The following UNC13B variants were observed in gnomAD, a reference collection of about 807,000 sequenced individuals.
The protein encoded by UNC13B is protein unc-13 homolog B.
Under a neutral mutation model 211.0 loss-of-function variants are expected in UNC13B, and 144 were observed. The ratio of observed to expected loss-of-function variants is 0.68; its 90% CI spans 0.60 to 0.78. UNC13B has a LOEUF of 0.78. Ranked by LOEUF, UNC13B falls within the 30% of genes least tolerant of loss-of-function variation. The pLI, the probability that UNC13B is intolerant of heterozygous loss-of-function variation, is 0.00. For missense variants in UNC13B, 1,777 were observed against 2,002.0 expected, an observed-to-expected ratio of 0.89 and a Z score of 2.14; for synonymous variants, 709 against 725.8, an observed-to-expected ratio of 0.98 and a Z score of 0.37.
chr9:35,385,508 A>T, intron 22 of UNC13B: 1 of 985,398 alleles, frequency 1.0e-6, no homozygotes, highest in Non-Finnish European at 1.2e-6. Context: ...GTCACTTTCT[A>T]GGGTGGGGAG....
rs1445854429 is a variant in UNC13B at position 35,310,530 on chromosome 9, T to G, written c.9072T>G (p.Ser3024Arg). ...TGAGTCAAGGAAGCTCTCAGCTAAG[T>G]GAACTAGACCAGTATCACGAACAAG... ...CNVSQGSSQL[S>R]ELDQYHEQDD... is the part of the protein sequence containing the mutation. The change falls in exon 10 of 40, where the codon AGT becomes AGG. Residue 3024 changes from serine to arginine, a missense_variant. Transcript: ENST00000635942. The G allele has an allele frequency of 6.2e-7, 1 of 1,614,104 alleles. No individual in the cohort carries two copies. Among genetic ancestry groups the G allele is most frequent in the Non-Finnish European group, 8.5e-7 (1 of 1,180,020 alleles).
Position 35,399,773 on chromosome 9 carries a change from A to G in UNC13B, c.12336+44A>G, listed in dbSNP as rs571716622. 6.3e-6 allele frequency: 10 copies of G among 1,599,432 alleles called. No homozygotes were observed. The South Asian group carries it at 1.1e-4, about 18-fold the overall frequency. ...TCAGACAGTCTTAACCACCACACTC[A>G]CTTGGCCCTGGCATTCCACTCTCCC... On this transcript the variant is annotated intron_variant, in intron 36 of 39. Transcript: ENST00000635942.
chr9:35,170,793 G>C (rs1187731420), intron 1 of UNC13B, among the ~76,000 whole-genome samples: 1 of 151,732 alleles, frequency 6.6e-6, no homozygotes, highest in East Asian at 1.9e-4. Context: ...TTGAGTTTGG[G>C]GGTATTTTAT....
intron 7 of UNC13B, among the ~76,000 whole-genome samples, chr9:35,287,361 A>T (rs1239600823): frequency 6.6e-6 from 1 of 151,934 alleles, no homozygotes; most frequent in African/African-American, 2.4e-5. Flanking sequence ...CGAACTCCTG[A>T]CCTCAGGTGA....
chr9:35,310,500 T>C lies in UNC13B; in HGVS notation c.9042T>C (p.Cys3014=). ...PTSSSRYGSS[C]NVSQGSSQLS... ...GCAGCAGTAGGTATGGCTCCTCCTG[T>C]AATGTGAGTCAAGGAAGCTCTCAGC... is the stretch of plus-strand genomic sequence containing the variant. The change falls in exon 10 of 40, where the codon TGT becomes TGC. Residue 3014 remains cysteine, a synonymous_variant. Coordinates refer to ENST00000635942, the MANE Select transcript of UNC13B (RefSeq NM_001371189.2). The C allele has an allele frequency of 6.2e-7, 1 of 1,614,058 alleles. No homozygotes were observed. Among genetic ancestry groups the C allele is most frequent in the South Asian group, 1.1e-5 (1 of 91,076 alleles).
intron 11 of UNC13B, among the ~76,000 whole-genome samples, chr9:35,356,257 C>T (rs1448829788): frequency 6.6e-6 from 1 of 152,170 alleles, no homozygotes; most frequent in African/African-American, 2.4e-5. Context: ...TTCAGTATCA[C>T]AGAGACTACC....
At chr9:35,316,212 T>A (rs903105998) in intron 11 of UNC13B, among the ~76,000 whole-genome samples, 1 of 152,214 alleles carries the variant, frequency 6.6e-6, no homozygotes, top group Non-Finnish European at 1.5e-5. Flanking sequence ...CTATTATTCT[T>A]TCTATATTAA....
chr9:35,390,069 C>T (rs1835435899), intron 25 of UNC13B, 96 bp downstream of exon 25: 9 of 1,559,212 alleles, frequency 5.8e-6, no homozygotes, highest in Middle Eastern at 3.4e-4. Flanking sequence ...TTTGCAGTGC[C>T]ACCTCTTCTT....
intron 6 of UNC13B, among the ~76,000 whole-genome samples, chr9:35,254,939 TTAA>T (rs1282538137): frequency 8.2e-6 from 1 of 122,586 alleles, no homozygotes; most frequent in Non-Finnish European, 1.6e-5. Flanking sequence ...ATAATATATA[TTAA>T]TATATGTATA....
At chr9:35,378,535 G>A (rs1411662271) in intron 17 of UNC13B, 99 bp downstream of exon 17, 1 of 1,504,674 alleles carries the variant, frequency 6.6e-7, no homozygotes, top group Non-Finnish European at 9.1e-7. Flanking sequence ...ATTGGGCAAA[G>A]GCAGGGGAGA....
chr9:35,308,971 G>A (rs1830054139), intron 9 of UNC13B, among the ~76,000 whole-genome samples: 1 of 152,116 alleles, frequency 6.6e-6, no homozygotes, highest in Non-Finnish European at 1.5e-5. Flanking sequence ...ATACAGATTT[G>A]CATAGTTTCT....
chr9:35,194,988 G>A (rs1259950074), intron 1 of UNC13B, among the ~76,000 whole-genome samples: 1 of 152,194 alleles, frequency 6.6e-6, no homozygotes, highest in Admixed American at 6.5e-5. Flanking sequence ...GTCTTAAGGA[G>A]GCAGTGTCTG....
intron 10 of UNC13B, among the ~76,000 whole-genome samples, chr9:35,313,666 A>C (rs547703204): frequency 2.1e-5 from 3 of 141,436 alleles, no homozygotes; most frequent in Admixed American, 2.1e-4. Flanking sequence ...ATAAATAAAT[A>C]AATAAATAAA....
At chr9:35,168,308 A>C (rs1030820517) in intron 1 of UNC13B, among the ~76,000 whole-genome samples, 1 of 152,158 alleles carries the variant, frequency 6.6e-6, no homozygotes, top group Non-Finnish European at 1.5e-5. Context: ...GCATATTGCC[A>C]TATTGCAGGG....
At chr9:35,345,456 G>T (rs1454656137) in intron 11 of UNC13B, among the ~76,000 whole-genome samples, 1 of 152,148 alleles carries the variant, frequency 6.6e-6, no homozygotes, top group African/African-American at 2.4e-5. Flanking sequence ...AGGGGTAGGG[G>T]ATAAGAAATT....
Position 35,386,160 on chromosome 9 carries a change from G to A in UNC13B, c.10966-5G>A. On this transcript the variant is annotated splice_polypyrimidine_tract_variant and splice_region_variant and intron_variant, in intron 23 of 39. Transcript: ENST00000635942. ...TGGGCCCATATTTCTTCTTTTAATT[G>A]GCAGGTACAAGAACTGCAAAGCCCT... 1 of 1,614,022 alleles carries A rather than the reference G, an allele frequency of 6.2e-7. No homozygotes were observed. The highest frequency in any genetic ancestry group is 8.5e-7 in the Non-Finnish European group (1 of 1,179,964).
chr9:35,313,883 T>G lies in UNC13B; in HGVS notation c.9324-16T>G, dbSNP rs1830316827. The G allele has an allele frequency of 3.1e-6, 5 of 1,604,700 alleles. No individual in the cohort carries two copies. In the East Asian group the frequency reaches 1.1e-4, roughly 36 times the overall value. On this transcript the variant is annotated splice_polypyrimidine_tract_variant and intron_variant, in intron 10 of 39. Coordinates refer to ENST00000635942, the MANE Select transcript of UNC13B (RefSeq NM_001371189.2). ...CTTGGCTATTTTTAAGAAATGTACT[T>G]TTTCTCTGTTACAAGTTTTCCTGAG...
In UNC13B at chr9:35,295,879, A is replaced by G. The variant is rs1829331076; in HGVS notation, c.710A>G (p.Asn237Ser). Residue 237 changes from asparagine (N) to serine (S), a missense_variant, in exon 8 of 40, where the codon AAT becomes AGT. Physicochemically the swap from Asn to Ser is conservative, Grantham distance 46 (BLOSUM62 1). Transcript: ENST00000635942. ...CAAGGCAGTTCCCGGGACTCTTGTA[A>G]TGACTCTATGCAAAGTTATGACCTT... ...LLQGSSRDSC[N>S]DSMQSYDLDY... The G allele has an allele frequency of 1.9e-6, 3 of 1,613,970 alleles. No individual in the cohort carries two copies. The highest frequency in any genetic ancestry group is 1.1e-5 in the South Asian group (1 of 91,040).
At chr9:35,226,487 TCTGCAAA>T (rs377394805) in intron 1 of UNC13B, among the ~76,000 whole-genome samples, 213 of 152,284 alleles carry the variant, frequency 1.4e-3, no homozygotes, top group African/African-American at 4.9e-3. Context: ...CACTAGGCCA[TCTGCAAA>T]CTGCGGAGCT....
Sources: gnomAD v4.1 joint callset for allele counts (sites outside exome capture counted in the v4.1 genomes callset) on GRCh38, gnomAD v4.1.1 for gene constraint, MANE v1.5 for transcripts, NCBI Gene and HGNC (gene_info 2026-07-23, HGNC 2026-07-21) for gene names.